The following DNMBP variants were observed in gnomAD, a reference collection of about 807,000 sequenced individuals.
The protein encoded by DNMBP is dynamin binding protein, also known as dynamin-binding protein.
Under a neutral mutation model 150.0 loss-of-function variants are expected in DNMBP, and 87 were observed. The ratio of observed to expected loss-of-function variants is 0.58; its 90% CI spans 0.49 to 0.69. The LOEUF (loss-of-function observed/expected upper bound fraction) is 0.69, where lower values mean the gene tolerates loss of function less well. DNMBP is among the 30% of genes least tolerant of loss of function. The pLI is 0.00. For missense variants in DNMBP, 1,774 were observed against 1,949.0 expected (o/e 0.91, Z 1.69); for synonymous variants, 711 against 750.4 (o/e 0.95, Z 0.86).
intron 1 of DNMBP, among the ~76,000 whole-genome samples, chr10:99,998,143 G>A (rs970996227): frequency 1.3e-5 from 2 of 148,744 alleles, no homozygotes; most frequent in African/African-American, 5.0e-5. Context: ...GCTGAGGCAG[G>A]AGAATCGCTT....
intron 4 of DNMBP, among the ~76,000 whole-genome samples, chr10:99,938,600 C>G (rs959301565): frequency 9.9e-5 from 15 of 152,036 alleles, no homozygotes; most frequent in African/African-American, 3.6e-4. Context: ...CAGTTGGTTA[C>G]AAAAGGGGGC....
At position 99,918,574 on chromosome 10, in the gene DNMBP, C is replaced by CTTTTTTTTT. The variant is rs71009786; in HGVS notation, c.2261-9437_2261-9429dup. 6.2e-3 allele frequency among the ~76,000 whole-genome samples: 852 copies of CTTTTTTTTT among 137,812 alleles called. 17 individuals carry two copies. The highest frequency in any genetic ancestry group is 0.024 in the Middle Eastern group (6 of 254). The allele number at this position is 137,812 out of a possible 152,430, so 90.4% of individuals were successfully genotyped here. A position where few individuals can be genotyped will look rare whatever the true frequency, so the allele number is the denominator to read the frequency against. On this transcript the variant is annotated intron_variant, in intron 4 of 16. Transcript: ENST00000324109. Reference sequence around the variant, plus strand: ...CCCAAATTACAGGAGTCTGCAACTTCTTTTTTTTTTTTGAAAAGGAGTCTC... The same window carrying CTTTTTTTTT: ...CCCAAATTACAGGAGTCTGCAACTTCTTTTTTTTTTTTTTTTTTTTTGAAAAGGAGTCTC...
intron 16 of DNMBP, among the ~76,000 whole-genome samples, chr10:99,879,084 CAAAA>C (rs71009780): frequency 4.8e-5 from 3 of 62,404 alleles, no homozygotes; most frequent in East Asian, 4.6e-4. Flanking sequence ...GACTCTGTCT[CAAAA>C]AAAAAAAAAA....
At chr10:99,945,234 C>A (rs913907546) in intron 4 of DNMBP, among the ~76,000 whole-genome samples, 22 of 152,178 alleles carry the variant, frequency 1.4e-4, no homozygotes, top group African/African-American at 5.3e-4. Context: ...TACTAGGATT[C>A]TCCTGAGAGA....
intron 4 of DNMBP, chr10:99,930,470 A>ATT (rs2040138938): frequency 1.3e-5 from 9 of 702,796 alleles, no homozygotes; most frequent in Non-Finnish European, 2.1e-5. Context: ...TCCTATAACC[A>ATT]TCATGACCTC....
At chr10:99,930,214 C>T (rs2040133876) in intron 4 of DNMBP, 4 of 702,848 alleles carry the variant, frequency 5.7e-6, no homozygotes, top group Non-Finnish European at 1.0e-5. Flanking sequence ...TTATGGTTAA[C>T]ATTCTCATGG....
At chr10:99,914,538 C>G (rs1270623200) in intron 4 of DNMBP, among the ~76,000 whole-genome samples, 2 of 152,094 alleles carry the variant, frequency 1.3e-5, no homozygotes, top group Non-Finnish European at 2.9e-5. Context: ...GCAATGAACC[C>G]TAAAGCCATC....
chr10:99,909,311 C>T (rs1249438084), intron 4 of DNMBP, among the ~76,000 whole-genome samples, 165 bp from the exon 5 acceptor site: 1 of 152,164 alleles, frequency 6.6e-6, no homozygotes, highest in Non-Finnish European at 1.5e-5. Context: ...ACAGCTGAAG[C>T]GCTTAGAAAG....
At chr10:99,996,272 G>C (rs751614624) in intron 1 of DNMBP, among the ~76,000 whole-genome samples, 3 of 152,216 alleles carry the variant, frequency 2.0e-5, no homozygotes, top group Non-Finnish European at 4.4e-5. Context: ...TGTAATCTCA[G>C]AACTTTGGGA....
intron 11 of DNMBP, among the ~76,000 whole-genome samples, chr10:99,890,364 G>T (rs2039538043): frequency 1.3e-5 from 2 of 152,128 alleles, no homozygotes; most frequent in Admixed American, 1.3e-4. Flanking sequence ...TTTGTGGCAT[G>T]ACAAAACTAT....
chr10:99,934,631 C>T (rs1334879901), intron 4 of DNMBP, among the ~76,000 whole-genome samples: 2 of 135,514 alleles, frequency 1.5e-5, no homozygotes, highest in South Asian at 2.4e-4. Flanking sequence ...GCAGTAGGCT[C>T]CTTGTGCTTC....
chr10:99,973,146 A>G (rs2040696234), intron 1 of DNMBP, among the ~76,000 whole-genome samples: 2 of 152,170 alleles, frequency 1.3e-5, no homozygotes, highest in East Asian at 3.9e-4. Flanking sequence ...TACCCAGGCT[A>G]GTGTTGAACT....
rs1409888200 is a variant in DNMBP at position 99,930,606 on chromosome 10, C to T, written c.2261-21460G>A. ...GTAGGGCTGATGCTGTCCCTTGGCC[C>T]AGTACCTGGGATCCAAGTCATTTTC... is the stretch of plus-strand genomic sequence containing the variant. On this transcript the variant is annotated intron_variant, in intron 4 of 16. Transcript: ENST00000324109. The T allele has an allele frequency of 5.7e-6, 4 of 702,846 alleles. No homozygotes were observed. The highest frequency in any genetic ancestry group is 1.7e-5 in the African/African-American group (1 of 57,236). 43.5% of individuals were successfully genotyped at this position (702,846 alleles called of 1,614,324 possible).
intron 4 of DNMBP, chr10:99,930,743 AG>A (rs1462536787): frequency 1.5e-6 from 1 of 676,530 alleles, no homozygotes; most frequent in Middle Eastern, 2.4e-4. Context: ...TTTCTTTTCT[AG>A]CCTTCTGGGT....
chr10:99,891,165 CCCCTCTCCCTCCCCCTCT>C (rs1397154710), intron 11 of DNMBP, among the ~76,000 whole-genome samples: 2 of 148,764 alleles, frequency 1.3e-5, no homozygotes, highest in East Asian at 4.0e-4. Flanking sequence ...TCTCCCTCTC[CCCCTCTCCCTCCCCCTCT>C]CCCTCTCCCC....
At chr10:99,882,371 C>G (rs2039381789) in intron 15 of DNMBP, among the ~76,000 whole-genome samples, 1 of 152,204 alleles carries the variant, frequency 6.6e-6, no homozygotes, top group Non-Finnish European at 1.5e-5. Flanking sequence ...AATGATATCT[C>G]TGCAAAGAAA....
rs377176374 is a variant in DNMBP, at chr10:99,896,385, C to A, written c.2933G>T (p.Arg978Leu). The A allele has an allele frequency of 1.2e-6, 2 of 1,613,978 alleles. No individual in the cohort carries two copies. Among genetic ancestry groups the A allele is most frequent in the Non-Finnish European group, 1.7e-6 (2 of 1,179,990 alleles). ...CATAAGGCTATCTTCATCACCCTTACGGTACTTGAGGACTAGGGAGTAAGT... is the reference window on the plus strand; with the variant it reads ...CATAAGGCTATCTTCATCACCCTTAAGGTACTTGAGGACTAGGGAGTAAGT... Reference protein sequence around the residue: ...KRRKDLVLKYRKGDEDSLMEK... With the variant: ...KRRKDLVLKYLKGDEDSLMEK... Residue 978 changes from arginine (R) to leucine (L), a missense_variant, in exon 10 of 17, where the codon CGT (arginine) becomes CTT (leucine). Physicochemically the swap from Arg to Leu is moderately radical, Grantham distance 102. Transcript: ENST00000324109.
chr10:99,917,452 G>C (rs766433289), intron 4 of DNMBP, among the ~76,000 whole-genome samples: 1 of 152,148 alleles, frequency 6.6e-6, no homozygotes, highest in Non-Finnish European at 1.5e-5. Flanking sequence ...CAGAAACCGA[G>C]TTTTTCCTTT....
At position 99,956,168 on chromosome 10, in the gene DNMBP, T is replaced by A. The variant is rs914538687; in HGVS notation, c.1306A>T (p.Ser436Cys). The A allele has an allele frequency of 1.2e-6, 2 of 1,613,980 alleles. No individual in the cohort carries two copies. The highest frequency in any genetic ancestry group is 2.7e-5 in the African/African-American group (2 of 74,988). Residue 436 changes from serine (S) to cysteine (C), a missense_variant, in exon 4 of 17, where the codon AGC becomes TGC. Ser to Cys is a moderately radical substitution (Grantham distance 112). This residue lies in a region of DNMBP where 1,430 missense variants were observed against 1,492.5 expected (regional missense o/e 0.96). Transcript: ENST00000324109. The part of the protein sequence containing the change: ...KSQYYSTVGG[S>C]HPHSEQYPDL... ...GGGTACTGTTCTGAGTGCGGGTGGC[T>A]CCCTCCCACTGTAGAATAATACTGG...
Sources: allele counts gnomAD v4.1 joint callset (sites outside exome capture counted in the v4.1 genomes callset), GRCh38; gene constraint gnomAD v4.1.1; regional missense constraint gnomAD v4.1.1; transcripts MANE v1.5; gene names NCBI Gene and HGNC (gene_info 2026-07-23, HGNC 2026-07-21).